FOXP2: variants seen among roughly 807,000 people sequenced by gnomAD.
The protein encoded by FOXP2 is forkhead box protein P2.
Under a neutral mutation model 115.8 loss-of-function variants are expected in FOXP2, and 12 were observed. The ratio of observed to expected loss-of-function variants is 0.10; its 90% CI spans 0.07 to 0.17. The LOEUF is 0.17. FOXP2 is among the 10% of genes least tolerant of loss of function. FOXP2 has a pLI of 1.00. For synonymous variants in FOXP2, 328 were observed against 297.7 expected, an observed-to-expected ratio of 1.10 and a Z score of -1.05; for missense variants, 629 against 843.5, an observed-to-expected ratio of 0.75 and a Z score of 3.15.
At chr7:114,251,453 T>C (rs1192673178) in intron 1 of FOXP2, among the ~76,000 whole-genome samples, 2 of 152,218 alleles carry the variant, frequency 1.3e-5, no homozygotes, top group Non-Finnish European at 2.9e-5. Context: ...TCCATTTGTT[T>C]GTGTCCTCTT....
chr7:114,157,097 T>C (rs1017792234), intron 1 of FOXP2, among the ~76,000 whole-genome samples: 1 of 152,170 alleles, frequency 6.6e-6, no homozygotes, highest in African/African-American at 2.4e-5. Flanking sequence ...GTCTTTGAGT[T>C]ATACTATAGC....
intron 1 of FOXP2, among the ~76,000 whole-genome samples, chr7:114,175,033 G>A (rs1361906279): frequency 6.6e-6 from 1 of 152,010 alleles, no homozygotes; most frequent in Admixed American, 6.6e-5. Context: ...ACTAAAGAGA[G>A]GGTTGTAACA....
At chr7:114,567,769 A>T (rs550867535) in intron 3 of FOXP2, among the ~76,000 whole-genome samples, 1 of 152,122 alleles carries the variant, frequency 6.6e-6, no homozygotes, top group South Asian at 2.1e-4. Context: ...CTGTTAAAGC[A>T]TGGTTGATCA....
chr7:114,548,127 C>T (rs923584297), intron 3 of FOXP2, among the ~76,000 whole-genome samples: 2 of 152,150 alleles, frequency 1.3e-5, no homozygotes, highest in African/African-American at 2.4e-5. Context: ...AGATAACTCT[C>T]CTTCCTCCAA....
At chr7:114,483,198 A>G (rs73436121) in intron 2 of FOXP2, among the ~76,000 whole-genome samples, 228 of 151,564 alleles carry the variant, frequency 1.5e-3, no homozygotes, top group African/African-American at 5.0e-3. Context: ...AAAAAACATC[A>G]CCAGACTAAA....
intron 2 of FOXP2, among the ~76,000 whole-genome samples, chr7:114,335,882 GA>G (rs1048311736): frequency 4.0e-5 from 6 of 149,022 alleles, no homozygotes; most frequent in Admixed American, 6.7e-5. Context: ...TAACAAAAAA[GA>G]AAAAAAAATG....
At chr7:114,680,241 G>A (rs1431505210) in intron 16 of FOXP2, among the ~76,000 whole-genome samples, 1 of 152,094 alleles carries the variant, frequency 6.6e-6, no homozygotes, top group Non-Finnish European at 1.5e-5. Context: ...GTGTTTTTTT[G>A]TAGTAAGGAA....
upstream of FOXP2, among the ~76,000 whole-genome samples, chr7:114,161,510 CTTTGT>C (rs976909352): frequency 2.8e-5 from 4 of 144,294 alleles, no homozygotes; most frequent in African/African-American, 1.0e-4. Context: ...TGTTTTTTGG[CTTTGT>C]TTTAACTATT....
chr7:114,115,003 G>A (rs189101241), intron 1 of FOXP2, among the ~76,000 whole-genome samples: 4 of 151,940 alleles, frequency 2.6e-5, no homozygotes, highest in Admixed American at 2.6e-4. Context: ...TTTGTGTGTT[G>A]CATTTTTTTT....
At chr7:114,178,886 TG>T (rs1793384365) in intron 1 of FOXP2, among the ~76,000 whole-genome samples, 1 of 151,954 alleles carries the variant, frequency 6.6e-6, no homozygotes, top group African/African-American at 2.4e-5. Context: ...TTTCAGTCAC[TG>T]TCCCTCCCTC....
At chr7:114,563,584 G>A (rs898802278) in intron 3 of FOXP2, among the ~76,000 whole-genome samples, 1 of 152,156 alleles carries the variant, frequency 6.6e-6, no homozygotes, top group Non-Finnish European at 1.5e-5. Context: ...CACAAGGTGG[G>A]CTGAGAACTA....
rs924984357 is a variant in FOXP2 at position 114,340,068 on chromosome 7, C to G, written c.-11+51959C>G. On this transcript the variant is annotated intron_variant, in intron 2 of 17. Transcript: ENST00000634411. Reference sequence around the variant, plus strand: ...ACTGGTAGTGTCCAATCTCTATAATCAATTCAGTCAAAAAAAACCTCCAAA... The same window carrying G: ...ACTGGTAGTGTCCAATCTCTATAATGAATTCAGTCAAAAAAAACCTCCAAA... Among the ~76,000 whole-genome samples, 4 of 151,024 alleles carry G rather than the reference C, an allele frequency of 2.6e-5. No homozygotes were observed. In the Admixed American group the frequency reaches 2.7e-4, roughly 10 times the overall value.
intron 2 of FOXP2, among the ~76,000 whole-genome samples, chr7:114,381,313 G>A (rs560369377): frequency 6.6e-6 from 1 of 152,314 alleles, no homozygotes; most frequent in East Asian, 1.9e-4. Context: ...TGTAGCCACA[G>A]GTAGTGAAGA....
At chr7:114,469,559 A>G (rs1383487140) in intron 2 of FOXP2, among the ~76,000 whole-genome samples, 1 of 152,156 alleles carries the variant, frequency 6.6e-6, no homozygotes, top group Non-Finnish European at 1.5e-5. Context: ...ATCCGTGACT[A>G]TGTTTAACTT....
chr7:114,546,627 C>T (rs574826059), intron 3 of FOXP2, among the ~76,000 whole-genome samples: 2 of 152,166 alleles, frequency 1.3e-5, no homozygotes, highest in South Asian at 4.2e-4. Context: ...AACTCCTATA[C>T]ATACTTTGAG....
At position 114,091,460 on chromosome 7, in the gene FOXP2, G is replaced by A. The variant is rs537575364; in HGVS notation, c.-247+3622G>A. Among the ~76,000 whole-genome samples the A allele has an allele frequency of 1.5e-3, 233 of 151,928 alleles. 3 individuals are homozygous for A. In the South Asian group the frequency reaches 0.046, roughly 30 times the overall value. On this transcript the variant is annotated intron_variant, in intron 1 of 19. Coordinates refer to the FOXP2 transcript ENST00000635638. ...GGCGATTTGCTGTTTCCTCAAATGT[G>A]ATATTAAGTATTGGCCTAATTATTT...
chr7:114,143,726 A>C (rs1193659208), intron 1 of FOXP2, among the ~76,000 whole-genome samples: 1 of 152,192 alleles, frequency 6.6e-6, no homozygotes, highest in Non-Finnish European at 1.5e-5. Flanking sequence ...TCAAAGAAGG[A>C]AAGTATAATC....
intron 2 of FOXP2, among the ~76,000 whole-genome samples, chr7:114,402,118 T>C (rs1792901269): frequency 6.6e-6 from 1 of 151,932 alleles, no homozygotes; most frequent in Admixed American, 6.6e-5. Flanking sequence ...CAAGACTCTG[T>C]CTCCAAAAAC....
intron 3 of FOXP2, among the ~76,000 whole-genome samples, chr7:114,584,530 AT>A (rs1802031708): frequency 1.3e-5 from 2 of 152,016 alleles, no homozygotes; most frequent in African/African-American, 4.8e-5. Flanking sequence ...CTTTCATTAA[AT>A]TTTTTCTTCT....
Sources: gnomAD v4.1 joint callset for allele counts (sites outside exome capture counted in the v4.1 genomes callset) on GRCh38, gnomAD v4.1.1 for gene constraint, MANE v1.5 for transcripts, NCBI Gene and HGNC (gene_info 2026-07-23, HGNC 2026-07-21) for gene names.